Variants in TRIM64C observed in about 807,000 individuals in gnomAD.
TRIM64C encodes tripartite motif-containing protein 64C.
Under a neutral mutation model 36.1 loss-of-function variants are expected in TRIM64C, and 25 were observed. The observed-to-expected ratio is 0.69, with a 90% CI of 0.51 to 0.97. The LOEUF is 0.97. Ranked by LOEUF, TRIM64C falls within the 50% of genes least tolerant of loss-of-function variation. The probability of loss-of-function intolerance (pLI) is 0.00; values close to 1 mark genes in which losing one functional copy is unlikely to be tolerated. For missense variants in TRIM64C, 489 were observed against 536.8 expected (o/e 0.91, Z 0.88); for synonymous variants, 212 against 185.7 (o/e 1.14, Z -1.15).
At chr11:49,054,253 A>G (rs1854786912) in intron 5 of TRIM64C, 46 bp from the exon 6 acceptor site, 1 of 1,520,318 alleles carries the variant, frequency 6.6e-7, no homozygotes, top group South Asian at 1.3e-5. Flanking sequence ...TGAGGGACAG[A>G]GGCTCTGTGG....
chr11:49,057,647 A>T (rs1212294738), intron 2 of TRIM64C: 9 of 509,634 alleles, frequency 1.8e-5, no homozygotes, highest in Admixed American at 1.0e-4. Context: ...TTCCTCTATT[A>T]ATCTCTCTTT....
Position 49,058,089 on chromosome 11 carries a change from A to G in TRIM64C, c.496T>C (p.Cys166Arg). Residue 166 changes from cysteine (C) to arginine (R), a missense_variant, in exon 2 of 6, where the codon TGT becomes CGT. By Grantham distance (180) the Cys-to-Arg change is radical. Transcript: ENST00000617704. ...NNLNQETSKF[C>R]SLVDYVSLRK... Reference sequence around the variant, plus strand: ...TTTTCATTCTTAACCACTAATGAACAAAATTTGCTAGTTTCCTGATTTAGA... The same window carrying G: ...TTTTCATTCTTAACCACTAATGAACGAAATTTGCTAGTTTCCTGATTTAGA... 6.6e-7 allele frequency: 1 copy of G among 1,525,690 alleles called. No individual in the cohort carries two copies. The highest frequency in any genetic ancestry group is 8.8e-7 in the Non-Finnish European group (1 of 1,141,922). The allele number at this position is 1,525,690 out of a possible 1,614,324, so 94.5% of individuals were successfully genotyped here.
In TRIM64C at chr11:49,055,265, T is replaced by A. The variant is rs142739245; in HGVS notation, c.859+45A>T. On this transcript the variant is annotated intron_variant, in intron 5 of 5. Coordinates refer to ENST00000617704, the MANE Select transcript of TRIM64C (RefSeq NM_001206631.1). ...GAGAAGCCTCAACCAAGGGACCCAA[T>A]AAGGAAATAATTTGAGGCTGGACTG... The A allele has an allele frequency of 1.2e-3, 1,768 of 1,533,986 alleles. 22 individuals are homozygous for A. In the African/African-American group the frequency reaches 0.022, roughly 19 times the overall value.
Position 49,057,264 on chromosome 11 carries a change from G to A in TRIM64C, c.622C>T (p.Leu208Phe), listed in dbSNP as rs1440188740. ...TGACTGTCTTGTAGTTGTTGGAAAA[G>A]CTCTTTTGCTTCTCTTTCCAGTGCC... is the stretch of plus-strand genomic sequence containing the variant. ...LQALEREAKE[L>F]FQQLQDSQVR... The change falls in exon 3 of 6, where the codon CTT becomes TTT. Residue 208 changes from leucine (L) to phenylalanine (F), a missense_variant. Leu to Phe is a conservative substitution (Grantham distance 22, BLOSUM62 0). Coordinates refer to ENST00000617704, the MANE Select transcript of TRIM64C (RefSeq NM_001206631.1). 5.2e-6 allele frequency: 8 copies of A among 1,549,612 alleles called. No homozygotes were observed. The highest frequency in any genetic ancestry group is 1.4e-5 in the African/African-American group (1 of 72,542).
At chr11:49,058,209 A>G in intron 1 of TRIM64C, 37 bp from the exon 2 acceptor site, 1 of 1,313,726 alleles carries the variant, frequency 7.6e-7, no homozygotes, top group Non-Finnish European at 1.0e-6. Context: ...AATGATGAAG[A>G]CAGTAGATCT....
In TRIM64C at chr11:49,058,829, T is replaced by A. The variant is rs1424922748; in HGVS notation, c.284A>T (p.His95Leu). ...INSSDNICVL[H>L]EETKELFCEA... ...ACAGAAGAGCTCCTTAGTCTCCTCATGGAGCACACAGATATTGTCTGAGCT... is the reference window on the plus strand; with the variant it reads ...ACAGAAGAGCTCCTTAGTCTCCTCAAGGAGCACACAGATATTGTCTGAGCT... Residue 95 changes from histidine (H) to leucine (L), a missense_variant, in exon 1 of 6, where the codon CAT (histidine) becomes CTT (leucine). Transcript: ENST00000617704. 3 of 1,549,352 alleles carry A rather than the reference T, an allele frequency of 1.9e-6. No homozygotes were observed. Among genetic ancestry groups the A allele is most frequent in the Non-Finnish European group, 2.6e-6 (3 of 1,146,856 alleles).
At position 49,058,810 on chromosome 11, in the gene TRIM64C, G is replaced by C. The variant is rs1457875605; in HGVS notation, c.303C>G (p.Leu101=). 7.7e-6 allele frequency: 12 copies of C among 1,549,080 alleles called. No homozygotes were observed. The Middle Eastern group carries it at 1.1e-3, about 147-fold the overall frequency. The change falls in exon 1 of 6, where the codon CTC becomes CTG. Residue 101 remains leucine (L), a synonymous_variant. Coordinates refer to ENST00000617704, the MANE Select transcript of TRIM64C (RefSeq NM_001206631.1). ...GCAATCTCTTGTCAGCCTCACAGAA[G>C]AGCTCCTTAGTCTCCTCATGGAGCA... The part of the protein sequence containing the change: ...ICVLHEETKE[L]FCEADKRLLC...
Position 49,055,317 on chromosome 11 carries a change from G to A in TRIM64C, c.852C>T (p.Asn284=). 1 of 1,535,852 alleles carries A rather than the reference G, an allele frequency of 6.5e-7. No individual in the cohort carries two copies. Among genetic ancestry groups the A allele is most frequent in the Non-Finnish European group, 8.7e-7 (1 of 1,146,812 alleles). The part of the protein sequence containing the change: ...CITGVLDMLN[N]FRVDNALSTE... Reference sequence around the variant, plus strand: ...CAAGCAGCTGGCTCTTGCCTCTGAAGTTGTTGAGCATGTCTAGGACTCCAG... The same window carrying A: ...CAAGCAGCTGGCTCTTGCCTCTGAAATTGTTGAGCATGTCTAGGACTCCAG... Residue 284 remains asparagine, a synonymous_variant, in exon 5 of 6, where the codon AAC becomes AAT. Transcript: ENST00000617704.
chr11:49,057,614 A>G lies in TRIM64C; in HGVS notation c.508-236T>C, dbSNP rs892677500. ...GTTTCCGTCACTGTAATGCTTCTTCACAGTTCTTACTGAGTCAATTATTTC... is the reference window on the plus strand; with the variant it reads ...GTTTCCGTCACTGTAATGCTTCTTCGCAGTTCTTACTGAGTCAATTATTTC... On this transcript the variant is annotated intron_variant, in intron 2 of 5. Transcript: ENST00000617704. The G allele has an allele frequency of 5.3e-6, 3 of 562,524 alleles. No homozygotes were observed. The African/African-American group carries it at 5.7e-5, about 11-fold the overall frequency. 34.8% of individuals were successfully genotyped at this position (562,524 alleles called of 1,614,324 possible). A position where few individuals can be genotyped will look rare whatever the true frequency, so the allele number is the denominator to read the frequency against.
chr11:49,054,597 T>C (rs2134719033), intron 5 of TRIM64C, among the ~76,000 whole-genome samples: 1 of 152,364 alleles, frequency 6.6e-6, no homozygotes, highest in East Asian at 1.9e-4. Flanking sequence ...GAATGTAAGT[T>C]ATGCCTGTTA....
In TRIM64C at chr11:49,058,185, G is replaced by A. The variant is rs1292362545; in HGVS notation, c.413-13C>T. The A allele has an allele frequency of 6.8e-7, 1 of 1,477,052 alleles. No homozygotes were observed. Among genetic ancestry groups the A allele is most frequent in the Middle Eastern group, 2.3e-4 (1 of 4,398 alleles). 91.5% of individuals were successfully genotyped at this position (1,477,052 alleles called of 1,614,324 possible). ...TTTATAAGTTTCTCTTGCAAAAGAA[G>A]CAAGAAGCTTAGCAATGATGAAGAC... On this transcript the variant is annotated splice_polypyrimidine_tract_variant and intron_variant, in intron 1 of 5. Coordinates refer to ENST00000617704, the MANE Select transcript of TRIM64C (RefSeq NM_001206631.1).
chr11:49,054,248 G>C (rs1854786878), intron 5 of TRIM64C, 41 bp from the exon 6 acceptor site: 1 of 1,526,468 alleles, frequency 6.6e-7, no homozygotes, highest in Non-Finnish European at 8.8e-7. Flanking sequence ...TGCTATGAGG[G>C]ACAGAGGCTC....
rs1385123428 is a variant in TRIM64C, at chr11:49,057,175, G to T, written c.711C>A (p.Tyr237Ter). The T allele has an allele frequency of 6.5e-7, 1 of 1,549,332 alleles. No individual in the cohort carries two copies. The highest frequency in any genetic ancestry group is 8.7e-7 in the Non-Finnish European group (1 of 1,146,904). Reference protein sequence around the residue: ...KDMYRELWETYHMPDVELLQD... With the variant: ...KDMYRELWET ...GGAGCAGCTCCACGTCAGGCATGTG[G>T]TATGTCTCCCACAGCTCTCTGTACA... The change falls in exon 3 of 6, where the codon TAC becomes TAA. Residue 237 changes from tyrosine (Y) to a stop codon, truncating the protein, a stop_gained. Coordinates refer to ENST00000617704, the MANE Select transcript of TRIM64C (RefSeq NM_001206631.1). LOFTEE classifies it high-confidence loss of function.
At chr11:49,057,567 C>A (rs1051233177) in intron 2 of TRIM64C, among the ~76,000 whole-genome samples, 189 bp from the exon 3 acceptor site, 6 of 151,856 alleles carry the variant, frequency 4.0e-5, no homozygotes, top group African/African-American at 1.5e-4. Flanking sequence ...CTTTTTAAAT[C>A]AAACCAATAT....
At chr11:49,054,584 T>C (rs1278062736) in intron 5 of TRIM64C, among the ~76,000 whole-genome samples, 1 of 152,232 alleles carries the variant, frequency 6.6e-6, no homozygotes, top group Non-Finnish European at 1.5e-5. Context: ...TGAGTATTTA[T>C]TGGAATGTAA....
rs544322701 is a variant in TRIM64C, at chr11:49,057,242, C to G, written c.644G>C (p.Ser215Thr). ...AKELFQQLQDSQVRMTQHLEG... is the reference protein window; with the variant it reads ...AKELFQQLQDTQVRMTQHLEG... Reference sequence around the variant, plus strand: ...TAAATGTTGGGTCATTCTCACTTGACTGTCTTGTAGTTGTTGGAAAAGCTC... The same window carrying G: ...TAAATGTTGGGTCATTCTCACTTGAGTGTCTTGTAGTTGTTGGAAAAGCTC... Residue 215 changes from serine to threonine, a missense_variant, in exon 3 of 6, where the codon AGT becomes ACT. Physicochemically the swap from Ser to Thr is moderately conservative, Grantham distance 58. Coordinates refer to ENST00000617704, the MANE Select transcript of TRIM64C (RefSeq NM_001206631.1). 6.5e-7 allele frequency: 1 copy of G among 1,549,692 alleles called. No individual in the cohort carries two copies. The highest frequency in any genetic ancestry group is 1.4e-5 in the African/African-American group (1 of 72,610).
In TRIM64C at chr11:49,059,039, G is replaced by A. The variant is rs547995890; in HGVS notation, c.74C>T (p.Pro25Leu). 1.5e-5 allele frequency: 24 copies of A among 1,550,302 alleles called. No individual in the cohort carries two copies. The highest frequency in any genetic ancestry group is 2.0e-5 in the Admixed American group (1 of 51,152). The change falls in exon 1 of 6, where the codon CCG becomes CTG. Residue 25 changes from proline (P) to leucine (L), a missense_variant. Transcript: ENST00000617704. ...CCICVNYFID[P>L]VTTDCVHSFC... is the part of the protein sequence containing the mutation. Reference sequence around the variant, plus strand: ...GCTGTGCACACAGTCAGTGGTGACCGGGTCTATGAAGTAGTTCACGCAAAT... The same window carrying A: ...GCTGTGCACACAGTCAGTGGTGACCAGGTCTATGAAGTAGTTCACGCAAAT...
At chr11:49,057,451 G>T (rs1223397817) in intron 2 of TRIM64C, 73 bp from the exon 3 acceptor site, 10 of 1,455,314 alleles carry the variant, frequency 6.9e-6, no homozygotes, top group Admixed American at 2.0e-5. Context: ...TTATATGCTG[G>T]GTGTAATCAA....
At chr11:49,055,461 A>T (rs1311748811) in intron 4 of TRIM64C, 54 bp from the exon 5 acceptor site, 1 of 1,521,378 alleles carries the variant, frequency 6.6e-7, no homozygotes, top group Non-Finnish European at 8.8e-7. Context: ...CTAATCACAC[A>T]GTCATATGAA....
Sources: gnomAD v4.1 joint callset for allele counts (sites outside exome capture counted in the v4.1 genomes callset) on GRCh38, gnomAD v4.1.1 for gene constraint, MANE v1.5 for transcripts, NCBI Gene and HGNC (gene_info 2026-07-23, HGNC 2026-07-21) for gene names.